Variants in CSMD2 observed in about 807,000 individuals in gnomAD.
CSMD2 encodes CUB and Sushi multiple domains 2, also known as CUB and sushi domain-containing protein 2.
A neutral mutation model predicts 398.5 loss-of-function variants in CSMD2; 130 were observed. The observed-to-expected ratio is 0.33, with a 90% confidence interval of 0.28 to 0.38. CSMD2 has a LOEUF of 0.38. Among genes scored for constraint, CSMD2 ranks in the 10% least tolerant of loss-of-function variants. The pLI is 1.00. For missense variants in CSMD2, 3,829 were observed against 4,764.9 expected, an observed-to-expected ratio of 0.80 and a Z score of 5.78; for synonymous variants, 1,828 against 1,908.5, an observed-to-expected ratio of 0.96 and a Z score of 1.10.
intron 25 of CSMD2, among the ~76,000 whole-genome samples, chr1:33,674,109 A>C (rs1313045709): frequency 1.3e-5 from 2 of 152,200 alleles, no homozygotes; most frequent in African/African-American, 2.4e-5. Flanking sequence ...ACACATAACA[A>C]TATTAACCTT....
Position 34,112,621 on chromosome 1 carries a change from A to G in CSMD2, c.188-23428T>C, listed in dbSNP as rs144882794. Among the ~76,000 whole-genome samples, 400 of 152,340 alleles carry G rather than the reference A, an allele frequency of 2.6e-3. 2 individuals are homozygous for G. Among genetic ancestry groups the G allele is most frequent in the Non-Finnish European group, 4.0e-3 (269 of 68,024 alleles). On this transcript the variant is annotated intron_variant, in intron 1 of 70. Coordinates refer to ENST00000373381, the MANE Select transcript of CSMD2 (RefSeq NM_001281956.2). ...ACTGGGGCATGAATTTCTGGGTCAT[A>G]TGGGCAGCCTTGAGAAAAATCAAAA...
intron 64 of CSMD2, among the ~76,000 whole-genome samples, chr1:33,530,760 C>T (rs976262539): frequency 1.3e-5 from 2 of 152,194 alleles, no homozygotes; most frequent in Admixed American, 1.3e-4. Flanking sequence ...TACTATGCAG[C>T]CTTAAAAAAG....
chr1:33,705,097 T>C (rs1015355051), intron 22 of CSMD2, among the ~76,000 whole-genome samples: 1 of 152,096 alleles, frequency 6.6e-6, no homozygotes, highest in African/African-American at 2.4e-5. Flanking sequence ...ATTTCTGTTC[T>C]TTTTAAAATT....
chr1:33,658,924 C>T (rs1171954028), intron 26 of CSMD2, among the ~76,000 whole-genome samples: 2 of 152,086 alleles, frequency 1.3e-5, no homozygotes, highest in Non-Finnish European at 2.9e-5. Context: ...AAGGACTTTG[C>T]GAGTTGGCCT....
At chr1:34,103,649 T>C (rs1002165913) in intron 1 of CSMD2, among the ~76,000 whole-genome samples, 2 of 152,216 alleles carry the variant, frequency 1.3e-5, no homozygotes, top group African/African-American at 2.4e-5. Flanking sequence ...TACTTGCCCA[T>C]AGTAGACACT....
chr1:33,602,291 G>A (rs1036756096), intron 43 of CSMD2, 78 bp downstream of exon 43: 7 of 1,501,026 alleles, frequency 4.7e-6, no homozygotes, highest in Admixed American at 1.8e-5. Context: ...TAAACCAATA[G>A]GTAACTGACT....
intron 2 of CSMD2, among the ~76,000 whole-genome samples, chr1:34,037,952 T>C (rs1175221968): frequency 6.6e-6 from 1 of 152,240 alleles, no homozygotes; most frequent in Non-Finnish European, 1.5e-5. Flanking sequence ...TGCAGCTTGC[T>C]AGGCATTTTC....
chr1:33,978,854 T>C (rs1646062266), intron 3 of CSMD2, among the ~76,000 whole-genome samples: 1 of 152,182 alleles, frequency 6.6e-6, no homozygotes, highest in Non-Finnish European at 1.5e-5. Flanking sequence ...CATACTAAGC[T>C]CTTTGCAAAA....
At position 33,739,404 on chromosome 1, in the gene CSMD2, G is replaced by C. The variant is rs539684662; in HGVS notation, c.2174-70C>G. The C allele has an allele frequency of 1.7e-4, 242 of 1,433,932 alleles. 1 individual carries two copies. In the East Asian group the frequency reaches 3.1e-3, roughly 18 times the overall value. The allele number at this position is 1,433,932 out of a possible 1,614,324, so 88.8% of individuals were successfully genotyped here. On this transcript the variant is annotated intron_variant, in intron 14 of 70. Coordinates refer to ENST00000373381, the MANE Select transcript of CSMD2 (RefSeq NM_001281956.2). ...AGAGAAGAATCCCTAAAGAAAATTA[G>C]CTTCCTTGGGATGGGAAACCCTAGA...
chr1:33,958,070 C>T (rs964248001), intron 3 of CSMD2, among the ~76,000 whole-genome samples: 2 of 152,098 alleles, frequency 1.3e-5, no homozygotes, highest in Non-Finnish European at 2.9e-5. Flanking sequence ...TCCATGGCAA[C>T]GCTTTATGAA....
chr1:33,894,038 A>G (rs1296386257), intron 5 of CSMD2, among the ~76,000 whole-genome samples: 4 of 152,174 alleles, frequency 2.6e-5, no homozygotes, highest in African/African-American at 9.7e-5. Flanking sequence ...GATTACTGTT[A>G]ATGGGGCCAC....
chr1:33,556,721 C>T (rs1658013474), intron 55 of CSMD2, among the ~76,000 whole-genome samples: 1 of 152,104 alleles, frequency 6.6e-6, no homozygotes, highest in Non-Finnish European at 1.5e-5. Context: ...TGGGAGAGAC[C>T]CGGTGGGAGG....
intron 10 of CSMD2, among the ~76,000 whole-genome samples, chr1:33,799,640 GTCCTCAGACCATT>G (rs757442915): frequency 6.6e-6 from 1 of 152,202 alleles, no homozygotes; most frequent in Non-Finnish European, 1.5e-5. Flanking sequence ...GGGTTGAGGA[GTCCTCAGACCATT>G]TCCTCATCTT....
chr1:33,974,453 C>G (rs143090734), intron 3 of CSMD2, among the ~76,000 whole-genome samples: 3 of 152,210 alleles, frequency 2.0e-5, no homozygotes, highest in Non-Finnish European at 4.4e-5. Flanking sequence ...CTGTCTGTCC[C>G]CAAGGAGCAA....
chr1:33,534,482 C>T (rs1027416089), intron 62 of CSMD2, among the ~76,000 whole-genome samples: 2 of 152,196 alleles, frequency 1.3e-5, no homozygotes, highest in African/African-American at 4.8e-5. Context: ...CCTCCCTGCT[C>T]TGCTCAGTTA....
intron 5 of CSMD2, among the ~76,000 whole-genome samples, chr1:33,909,030 A>C (rs1379439737): frequency 6.6e-6 from 1 of 152,220 alleles, no homozygotes; most frequent in African/African-American, 2.4e-5. Flanking sequence ...GGAAGGCAGG[A>C]GGTCTGAGGC....
At chr1:33,612,090 T>G (rs980465527) in intron 40 of CSMD2, among the ~76,000 whole-genome samples, 1 of 152,234 alleles carries the variant, frequency 6.6e-6, no homozygotes, top group Non-Finnish European at 1.5e-5. Flanking sequence ...GCATTTGCTG[T>G]ACATCAGGGC....
At chr1:33,759,324 CTTTTTTT>C (rs756784492) in intron 13 of CSMD2, among the ~76,000 whole-genome samples, 12 of 124,782 alleles carry the variant, frequency 9.6e-5, no homozygotes, top group East Asian at 7.0e-4. Flanking sequence ...CTTTTTTTTT[CTTTTTTT>C]TTTTTTTTTT....
chr1:33,839,837 G>T, intron 6 of CSMD2: 1 of 153,640 alleles, frequency 6.5e-6, no homozygotes. Context: ...ATAATTAAAA[G>T]AACACTCAAA....
Sources: allele counts gnomAD v4.1 joint callset (sites outside exome capture counted in the v4.1 genomes callset), GRCh38; gene constraint gnomAD v4.1.1; transcripts MANE v1.5; gene names NCBI Gene and HGNC (gene_info 2026-07-23, HGNC 2026-07-21).